The following AGMO variants were observed in gnomAD, a reference collection of about 807,000 sequenced individuals.
The protein encoded by AGMO is glyceryl-ether monooxygenase.
Under a neutral mutation model 60.2 loss-of-function variants are expected in AGMO, and 75 were observed. That is an observed-to-expected ratio of 1.25 (90% confidence interval 1.03 to 1.51). The LOEUF is 1.51. AGMO is among the 40% of genes most tolerant of loss of function. AGMO has a pLI of 0.00. For missense variants in AGMO, 763 were observed against 525.5 expected (o/e 1.45, Z -4.42); for synonymous variants, 261 against 177.1 (o/e 1.47, Z -3.76).
the AGMO span, among the ~76,000 whole-genome samples, chr7:15,159,085 G>A: frequency 6.6e-6 from 1 of 151,908 alleles, no homozygotes; most frequent in African/African-American, 2.4e-5. Context: ...AAACAAGATT[G>A]TTTCTTGATT....
Position 15,232,056 on chromosome 7 carries a change from ATC to A in AGMO, c.1264-30699_1264-30698del, listed in dbSNP as rs747378800. Among the ~76,000 whole-genome samples, 3 of 152,142 alleles carry A rather than the reference ATC, an allele frequency of 2.0e-5. No individual in the cohort carries two copies. In the South Asian group the frequency reaches 6.2e-4, roughly 31 times the overall value. On this transcript the variant is annotated intron_variant, in intron 12 of 12. Transcript: ENST00000342526. ...TGTCATATAATTGTATCTGTTTTCA[ATC>A]TCTCTCACAAAATCATAAGCGATTT...
At chr7:15,367,976 T>G (rs1277256406) in intron 10 of AGMO, among the ~76,000 whole-genome samples, 1 of 152,114 alleles carries the variant, frequency 6.6e-6, no homozygotes, top group African/African-American at 2.4e-5. Flanking sequence ...CATGCAGTAC[T>G]GTAGCTTCAT....
At chr7:15,208,370 T>C (rs1781492972) in intron 12 of AGMO, among the ~76,000 whole-genome samples, 1 of 152,208 alleles carries the variant, frequency 6.6e-6, no homozygotes, top group African/African-American at 2.4e-5. Context: ...AGAGAAATAA[T>C]CTTTTTCCAC....
the AGMO span, among the ~76,000 whole-genome samples, chr7:15,158,525 G>A: frequency 5.3e-5 from 8 of 152,152 alleles, no homozygotes; most frequent in Admixed American, 2.0e-4. Context: ...GGTTTTTCAG[G>A]TTTTGTTTTT....
chr7:15,266,527 A>G (rs1008444528), intron 12 of AGMO, among the ~76,000 whole-genome samples: 2 of 151,952 alleles, frequency 1.3e-5, no homozygotes, highest in African/African-American at 2.4e-5. Context: ...TTCTCTACCC[A>G]TATGTCTTAT....
chr7:15,399,817 C>CCAAA (rs1434777444), intron 5 of AGMO, among the ~76,000 whole-genome samples: 2 of 152,138 alleles, frequency 1.3e-5, no homozygotes, highest in Non-Finnish European at 2.9e-5. Flanking sequence ...TTGTAATGAA[C>CCAAA]CAAACAATGT....
chr7:15,163,088 T>A, the AGMO span, among the ~76,000 whole-genome samples: 1 of 152,180 alleles, frequency 6.6e-6, no homozygotes, highest in Non-Finnish European at 1.5e-5. Context: ...GGGCTTATTG[T>A]AATTGAAATT....
chr7:15,308,256 G>A (rs778624023), intron 12 of AGMO, among the ~76,000 whole-genome samples: 2 of 151,732 alleles, frequency 1.3e-5, no homozygotes, highest in Non-Finnish European at 2.9e-5. Context: ...CCAAATCCTT[G>A]GTTACTCTCT....
Position 15,351,442 on chromosome 7 carries a change from G to C in AGMO, c.1263+14072C>G, listed in dbSNP as rs113150331. Among the ~76,000 whole-genome samples the C allele has an allele frequency of 9.9e-5, 15 of 152,282 alleles. 2 individuals are homozygous for C. Among genetic ancestry groups the C allele is most frequent in the African/African-American group, 3.6e-4 (15 of 41,564 alleles). ...TGATTCTCAGGGGTGAGGAGAATTT[G>C]ATAGCATTTCTTAAAGGCATGAGTG... On this transcript the variant is annotated intron_variant, in intron 12 of 12. Coordinates refer to ENST00000342526, the MANE Select transcript of AGMO (RefSeq NM_001004320.2).
chr7:15,207,666 G>A (rs1402130719), intron 12 of AGMO, among the ~76,000 whole-genome samples: 1 of 152,228 alleles, frequency 6.6e-6, no homozygotes, highest in Non-Finnish European at 1.5e-5. Context: ...CGGGCGTGGT[G>A]GCTCACGCCT....
intron 3 of AGMO, among the ~76,000 whole-genome samples, chr7:15,519,977 G>A (rs1783934338): frequency 3.3e-5 from 3 of 89,582 alleles, no homozygotes; most frequent in Non-Finnish European, 4.4e-5. Flanking sequence ...CCAAGCAAAT[G>A]GGAAGCCAAA....
intron 12 of AGMO, among the ~76,000 whole-genome samples, chr7:15,265,123 T>C (rs1301121227): frequency 6.6e-6 from 1 of 152,160 alleles, no homozygotes; most frequent in Admixed American, 6.6e-5. Context: ...TGAAATCATG[T>C]CTTTTCAAAT....
At chr7:15,452,004 G>C (rs1781867536) in intron 3 of AGMO, among the ~76,000 whole-genome samples, 1 of 152,168 alleles carries the variant, frequency 6.6e-6, no homozygotes, top group Non-Finnish European at 1.5e-5. Flanking sequence ...ATACTCCTAA[G>C]TTAGGTTTTC....
chr7:15,387,590 A>C (rs1783969288), intron 8 of AGMO, 50 bp from the exon 9 acceptor site: 1 of 1,489,242 alleles, frequency 6.7e-7, no homozygotes, highest in African/African-American at 1.4e-5. Flanking sequence ...AATAGGAAAG[A>C]TTAAATACCA....
At chr7:15,303,990 G>A (rs148862472) in intron 12 of AGMO, among the ~76,000 whole-genome samples, 20 of 152,136 alleles carry the variant, frequency 1.3e-4, no homozygotes, top group Admixed American at 2.6e-4. Flanking sequence ...TATCCAATAC[G>A]ATTTTCCATG....
intron 3 of AGMO, among the ~76,000 whole-genome samples, chr7:15,502,439 T>A (rs1313284134): frequency 6.6e-6 from 1 of 151,968 alleles, no homozygotes; most frequent in Non-Finnish European, 1.5e-5. Context: ...TAATAAACAA[T>A]GGACCTCTTA....
At chr7:15,540,431 A>C (rs999916945) in intron 3 of AGMO, among the ~76,000 whole-genome samples, 3 of 152,194 alleles carry the variant, frequency 2.0e-5, no homozygotes, top group Non-Finnish European at 4.4e-5. Flanking sequence ...CCAAACCTCC[A>C]AGTGCCAGAC....
At chr7:15,393,279 C>T (rs1322121158) in intron 6 of AGMO, among the ~76,000 whole-genome samples, 1 of 152,154 alleles carries the variant, frequency 6.6e-6, no homozygotes, top group Non-Finnish European at 1.5e-5. Context: ...TTCAGGGATT[C>T]AGGGTTGCCG....
In AGMO at chr7:15,493,362, C is replaced by CACA. The variant is rs71004386; in HGVS notation, c.409+51409_409+51410insTGT. On this transcript the variant is annotated intron_variant, in intron 3 of 12. Coordinates refer to ENST00000342526, the MANE Select transcript of AGMO (RefSeq NM_001004320.2). ...ACACACACACACACACACACACACA[C>CACA]TTCTTTTTTTTTTTTTTTTTTTTTT... Among the ~76,000 whole-genome samples, 10 of 102,256 alleles carry CACA rather than the reference C, an allele frequency of 9.8e-5. 2 individuals are homozygous for CACA. Among genetic ancestry groups the CACA allele is most frequent in the Non-Finnish European group, 1.3e-4 (7 of 54,668 alleles). The allele number at this position is 102,256 out of a possible 152,430, so 67.1% of individuals were successfully genotyped here.
Sources: allele counts gnomAD v4.1 joint callset (sites outside exome capture counted in the v4.1 genomes callset), GRCh38; gene constraint gnomAD v4.1.1; transcripts MANE v1.5; gene names NCBI Gene and HGNC (gene_info 2026-07-23, HGNC 2026-07-21).